Variants in SIK3 observed in about 807,000 individuals in gnomAD.
The protein encoded by SIK3 is SIK family kinase 3, also known as serine/threonine-protein kinase SIK3.
In SIK3, 28 loss-of-function variants were observed where a neutral mutation model predicts 144.2. The ratio of observed to expected loss-of-function variants is 0.19; its 90% confidence interval spans 0.14 to 0.27. SIK3 has a LOEUF of 0.27. SIK3 is among the 10% of genes least tolerant of loss of function. The pLI is 1.00. For synonymous variants in SIK3, 686 were observed against 676.3 expected, an observed-to-expected ratio of 1.01 and a Z score of -0.22; for missense variants, 1,319 against 1,776.0, an observed-to-expected ratio of 0.74 and a Z score of 4.62.
At chr11:116,921,311 T>C (rs1946959365) in intron 4 of SIK3, among the ~76,000 whole-genome samples, 1 of 152,248 alleles carries the variant, frequency 6.6e-6, no homozygotes, top group Non-Finnish European at 1.5e-5. Context: ...ACATTATATA[T>C]ATGCAAAGCA....
At chr11:117,013,951 T>TGTGTG (rs1350690829) in intron 1 of SIK3, among the ~76,000 whole-genome samples, 17 of 95,344 alleles carry the variant, frequency 1.8e-4, no homozygotes, top group African/African-American at 2.2e-4. Flanking sequence ...TGTGTGTGTG[T>TGTGTG]TTTATTTCTT....
At chr11:117,068,659 G>A (rs902986717) in intron 1 of SIK3, among the ~76,000 whole-genome samples, 1 of 152,154 alleles carries the variant, frequency 6.6e-6, no homozygotes, top group African/African-American at 2.4e-5. Context: ...AGCCCAGGAG[G>A]CTGAGGCTGC....
chr11:116,927,882 T>C (rs988820470), intron 3 of SIK3, among the ~76,000 whole-genome samples: 1 of 152,238 alleles, frequency 6.6e-6, no homozygotes, highest in Non-Finnish European at 1.5e-5. Flanking sequence ...TAGGTTACTA[T>C]CTTTCTGCTT....
rs779453048 is a variant in SIK3, at chr11:116,858,659, C to A, written c.2806G>T (p.Ala936Ser). Reference sequence around the variant, plus strand: ...GAAAACAGATGGGGGTGTAAATGCGCCTGGTCGTAGTTAGCAGGGGAGAAC... The same window carrying A: ...GAAAACAGATGGGGGTGTAAATGCGACTGGTCGTAGTTAGCAGGGGAGAAC... Reference protein sequence around the residue: ...NRFSPANYDQAHLHPHLFSDQ... With the variant: ...NRFSPANYDQSHLHPHLFSDQ... Residue 936 changes from alanine to serine, a missense_variant, in exon 21 of 25, where the codon GCG (alanine) becomes TCG (serine). Transcript: ENST00000445177. The surrounding 1 kb of genome is among the most constrained non-coding windows in gnomAD (Gnocchi z 5.4). 2 of 1,573,070 alleles carry A rather than the reference C, an allele frequency of 1.3e-6. No homozygotes were observed. Among genetic ancestry groups the A allele is most frequent in the Non-Finnish European group, 1.7e-6 (2 of 1,159,216 alleles).
At chr11:116,875,518 A>T in intron 9 of SIK3, 67 bp from the exon 10 acceptor site, 1 of 1,516,164 alleles carries the variant, frequency 6.6e-7, no homozygotes, top group South Asian at 1.2e-5. Flanking sequence ...AGTCTTTCCA[A>T]GTAGTCTTGA....
intron 1 of SIK3, among the ~76,000 whole-genome samples, chr11:117,042,615 T>C (rs1952794586): frequency 6.6e-6 from 1 of 152,220 alleles, no homozygotes; most frequent in Admixed American, 6.5e-5. Flanking sequence ...ACTACCCGAA[T>C]GTTTTCAGTA....
At chr11:117,094,440 T>C (rs1229495211) in intron 1 of SIK3, among the ~76,000 whole-genome samples, 5 of 151,824 alleles carry the variant, frequency 3.3e-5, no homozygotes, top group Admixed American at 1.3e-4. Context: ...CCCCCATCTC[T>C]ACAAAAAAAA....
chr11:117,067,028 T>C (rs1163575462), intron 1 of SIK3, among the ~76,000 whole-genome samples: 1 of 152,132 alleles, frequency 6.6e-6, no homozygotes, highest in African/African-American at 2.4e-5. Context: ...TTAGCAATGG[T>C]AAGGATTTAA....
At chr11:116,895,232 G>A (rs975091715) in intron 6 of SIK3, among the ~76,000 whole-genome samples, 8 of 151,954 alleles carry the variant, frequency 5.3e-5, no homozygotes, top group African/African-American at 1.7e-4. Flanking sequence ...CTCCATCCCC[G>A]CGGCCTCTGC....
chr11:116,872,864 G>A (rs1285541756), intron 13 of SIK3, among the ~76,000 whole-genome samples: 3 of 152,132 alleles, frequency 2.0e-5, no homozygotes, highest in Non-Finnish European at 2.9e-5. Flanking sequence ...ATGGTACTAT[G>A]AGATTGAATG....
intron 4 of SIK3, 26 bp downstream of exon 4, chr11:116,927,193 T>C (rs957108445): frequency 1.3e-6 from 2 of 1,587,776 alleles, no homozygotes; most frequent in African/African-American, 1.3e-5. Context: ...TTTGTCCCTA[T>C]CTGACATCCT....
chr11:116,958,331 G>A (rs557078547), intron 1 of SIK3, among the ~76,000 whole-genome samples: 1 of 152,334 alleles, frequency 6.6e-6, no homozygotes, highest in African/African-American at 2.4e-5. Context: ...ATCTGAAGCT[G>A]TTTCAGGTGT....
chr11:116,977,933 T>C (rs149178308), intron 1 of SIK3, among the ~76,000 whole-genome samples: 256 of 152,322 alleles, frequency 1.7e-3, no homozygotes, highest in African/African-American at 5.9e-3. Flanking sequence ...AATTACTATC[T>C]GCAAGCCGGG....
At chr11:116,918,011 C>A (rs1946760129) in intron 4 of SIK3, among the ~76,000 whole-genome samples, 1 of 152,118 alleles carries the variant, frequency 6.6e-6, no homozygotes, top group Non-Finnish European at 1.5e-5. Context: ...AGATATTATA[C>A]AGATTAAGAT....
chr11:117,029,636 A>C (rs1952170703), intron 1 of SIK3, among the ~76,000 whole-genome samples: 1 of 152,094 alleles, frequency 6.6e-6, no homozygotes, highest in African/African-American at 2.4e-5. Context: ...GCTATTTTGG[A>C]AGCAGAATCT....
At chr11:117,028,267 C>G (rs1362769736) in intron 1 of SIK3, among the ~76,000 whole-genome samples, 1 of 152,132 alleles carries the variant, frequency 6.6e-6, no homozygotes, top group African/African-American at 2.4e-5. Flanking sequence ...CATTTTTCAG[C>G]ATGAAACCCT....
chr11:117,023,621 A>AAATATATATATATATATATATAT (rs754624841), intron 1 of SIK3, among the ~76,000 whole-genome samples: 5 of 95,414 alleles, frequency 5.2e-5, no homozygotes, highest in East Asian at 3.1e-4. Flanking sequence ...AAAAAAAAAA[A>AAATATATATATATATATATATAT]ATATATATAT....
chr11:116,908,526 C>A (rs1471904585), intron 4 of SIK3, among the ~76,000 whole-genome samples: 4 of 151,158 alleles, frequency 2.6e-5, no homozygotes, highest in Admixed American at 6.6e-5. Flanking sequence ...AACAAACAAA[C>A]AAAAAAAACA....
chr11:116,908,514 AAAAC>A (rs988175589), intron 4 of SIK3, among the ~76,000 whole-genome samples: 57 of 152,262 alleles, frequency 3.7e-4, no homozygotes, highest in Admixed American at 1.8e-3. Flanking sequence ...CAAAAAACAA[AAAAC>A]AAACAAACAA....
Sources: gnomAD v4.1 joint callset for allele counts (sites outside exome capture counted in the v4.1 genomes callset) on GRCh38, gnomAD v4.1.1 for gene constraint, Gnocchi (gnomAD v3.1) non-coding constraint, MANE v1.5 for transcripts, NCBI Gene and HGNC (gene_info 2026-07-23, HGNC 2026-07-21) for gene names.